The following MRPL1 variants were observed in gnomAD, a reference collection of about 807,000 sequenced individuals.
MRPL1 encodes mitochondrial ribosomal protein L1, also known as large ribosomal subunit protein uL1m.
MRPL1 carries 28 observed loss-of-function variants against 38.0 expected under a neutral mutation model. The observed-to-expected ratio is 0.74, with a 90% confidence interval of 0.55 to 1.01. The LOEUF (loss-of-function observed/expected upper bound fraction) is 1.01. Among genes scored for constraint, MRPL1 ranks in the 50% least tolerant of loss-of-function variants. The pLI is 0.00. For synonymous variants in MRPL1, 123 were observed against 126.7 expected, an observed-to-expected ratio of 0.97 and a Z score of 0.20; for missense variants, 358 against 389.8, an observed-to-expected ratio of 0.92 and a Z score of 0.69.
At chr4:77,926,643 CTG>C (rs1362244317) in intron 7 of MRPL1, among the ~76,000 whole-genome samples, 2 of 144,094 alleles carry the variant, frequency 1.4e-5, no homozygotes, top group Non-Finnish European at 3.0e-5. Context: ...GAGTCTCACT[CTG>C]TTGCTCAAGC....
intron 2 of MRPL1, among the ~76,000 whole-genome samples, chr4:77,873,192 T>C (rs771749787): frequency 1.2e-4 from 19 of 152,224 alleles, no homozygotes; most frequent in African/African-American, 4.3e-4. Flanking sequence ...ACAAAGCACA[T>C]AGCATATGTT....
chr4:77,898,663 T>G (rs993372749), intron 6 of MRPL1, among the ~76,000 whole-genome samples: 1 of 152,038 alleles, frequency 6.6e-6, no homozygotes, highest in African/African-American at 2.4e-5. Context: ...GGTAATTTTT[T>G]TTGTATTTTT....
At chr4:77,898,065 G>T (rs1441943104) in intron 6 of MRPL1, among the ~76,000 whole-genome samples, 5 of 152,072 alleles carry the variant, frequency 3.3e-5, no homozygotes, top group African/African-American at 9.7e-5. Flanking sequence ...TCAGGTCTTT[G>T]GATTTACTGT....
chr4:77,891,236 C>T (rs1735797193), intron 5 of MRPL1, among the ~76,000 whole-genome samples: 1 of 151,428 alleles, frequency 6.6e-6, no homozygotes, highest in Non-Finnish European at 1.5e-5. Context: ...AGCTGGGTCT[C>T]TAGAATCAGA....
At chr4:77,872,179 G>T (rs1735296036) in intron 2 of MRPL1, among the ~76,000 whole-genome samples, 1 of 152,146 alleles carries the variant, frequency 6.6e-6, no homozygotes, top group South Asian at 2.1e-4. Flanking sequence ...AAATTTTAGA[G>T]CTAGGGTTTG....
intron 7 of MRPL1, among the ~76,000 whole-genome samples, chr4:77,949,358 T>C (rs1737353493): frequency 6.6e-6 from 1 of 152,226 alleles, no homozygotes; most frequent in Admixed American, 6.5e-5. Flanking sequence ...GTGTGAGATA[T>C]GTATTATCTG....
intron 7 of MRPL1, among the ~76,000 whole-genome samples, chr4:77,934,361 T>G (rs757269300): frequency 6.6e-6 from 1 of 152,114 alleles, no homozygotes. Context: ...AATAGAAAGA[T>G]AAATAACTCA....
intron 6 of MRPL1, among the ~76,000 whole-genome samples, chr4:77,903,633 A>G (rs1245791333): frequency 3.3e-5 from 5 of 152,220 alleles, no homozygotes; most frequent in African/African-American, 2.4e-5. Flanking sequence ...TGGTATTTCT[A>G]TATGTAACCA....
At chr4:77,903,231 C>T (rs1455361023) in intron 6 of MRPL1, among the ~76,000 whole-genome samples, 3 of 151,624 alleles carry the variant, frequency 2.0e-5, no homozygotes, top group African/African-American at 7.3e-5. Context: ...TATAATACAC[C>T]ATGTTAGTAG....
At chr4:77,948,771 C>CT (rs199944670) in intron 7 of MRPL1, among the ~76,000 whole-genome samples, 8,587 of 139,066 alleles carry the variant, frequency 0.062, 473 homozygotes, top group East Asian at 0.18. Context: ...TCTTCTTCTT[C>CT]TTTTTTTTTT....
At chr4:77,871,614 T>G (rs1735283596) in intron 1 of MRPL1, 130 bp from the exon 2 acceptor site, 1 of 542,918 alleles carries the variant, frequency 1.8e-6, no homozygotes, top group African/African-American at 2.0e-5. Flanking sequence ...ATTATTACAC[T>G]TTTAAAAGAA....
intron 7 of MRPL1, among the ~76,000 whole-genome samples, chr4:77,937,196 G>T (rs1323756989): frequency 6.6e-6 from 1 of 151,922 alleles, no homozygotes; most frequent in Non-Finnish European, 1.5e-5. Context: ...TCTTTCAACT[G>T]TGCCCGGTAC....
At chr4:77,901,444 C>T (rs1736032075) in intron 6 of MRPL1, among the ~76,000 whole-genome samples, 1 of 151,204 alleles carries the variant, frequency 6.6e-6, no homozygotes, top group South Asian at 2.1e-4. Flanking sequence ...GGACCACACA[C>T]TCCAAGAAGC....
intron 7 of MRPL1, among the ~76,000 whole-genome samples, chr4:77,933,836 G>A (rs1039259535): frequency 1.3e-5 from 2 of 152,162 alleles, no homozygotes; most frequent in Non-Finnish European, 2.9e-5. Context: ...TACAATTACC[G>A]TATGTCCCAG....
intron 2 of MRPL1, among the ~76,000 whole-genome samples, chr4:77,879,143 C>T (rs1578039982): frequency 6.6e-6 from 1 of 152,098 alleles, no homozygotes; most frequent in East Asian, 1.9e-4. Context: ...TTAAGGGTTC[C>T]TGATAGAGCT....
intron 6 of MRPL1, among the ~76,000 whole-genome samples, chr4:77,906,705 A>G (rs1736167507): frequency 6.6e-6 from 1 of 152,166 alleles, no homozygotes; most frequent in South Asian, 2.1e-4. Flanking sequence ...TAGTATGTAC[A>G]AGGCACTGTT....
intron 8 of MRPL1, 136 bp from the exon 9 acceptor site, chr4:77,952,353 T>G (rs1025718946): frequency 4.4e-6 from 3 of 685,348 alleles, no homozygotes; most frequent in Non-Finnish European, 7.8e-6. Flanking sequence ...TACAATTGGT[T>G]TCTTTATAAG....
chr4:77,878,733 G>T (rs959111543), intron 2 of MRPL1, among the ~76,000 whole-genome samples: 24 of 152,048 alleles, frequency 1.6e-4, no homozygotes, highest in African/African-American at 5.6e-4. Context: ...GAAAAAATGA[G>T]CTGGTCATGG....
chr4:77,907,082 A>G (rs1260794441), intron 6 of MRPL1: 1 of 985,274 alleles, frequency 1.0e-6, no homozygotes, highest in Admixed American at 6.2e-5. Context: ...AGTTCCTCAC[A>G]TTGATTCATC....
Sources: allele counts gnomAD v4.1 joint callset (sites outside exome capture counted in the v4.1 genomes callset), GRCh38; gene constraint gnomAD v4.1.1; transcripts MANE v1.5; gene names NCBI Gene and HGNC (gene_info 2026-07-23, HGNC 2026-07-21).